LY75: variants seen among roughly 807,000 people sequenced by gnomAD.
The protein encoded by LY75 is C-type lectin domain family 13 member B.
In LY75, 185 loss-of-function variants were observed where a neutral mutation model predicts 231.7. The ratio of observed to expected loss-of-function variants is 0.80; its 90% confidence interval spans 0.71 to 0.90. The LOEUF is 0.90. Ranked by LOEUF, LY75 falls within the 40% of genes least tolerant of loss-of-function variation. The pLI is 0.00. For missense variants in LY75, 1,947 were observed against 2,050.2 expected, an observed-to-expected ratio of 0.95 and a Z score of 0.97; for synonymous variants, 668 against 689.0, an observed-to-expected ratio of 0.97 and a Z score of 0.48.
chr2:159,876,379 T>C (rs961440639), intron 11 of LY75, among the ~76,000 whole-genome samples: 1 of 152,162 alleles, frequency 6.6e-6, no homozygotes, highest in African/African-American at 2.4e-5. Context: ...GAGTTACATA[T>C]ACTGAAAAGT....
At chr2:159,894,655 G>A (rs1685859641) in intron 2 of LY75, among the ~76,000 whole-genome samples, 1 of 152,310 alleles carries the variant, frequency 6.6e-6, no homozygotes, top group African/African-American at 2.4e-5. Context: ...GTAAAAGGAA[G>A]AGCTGCTGAA....
chr2:159,904,459 G>GC (rs990683095), intron 1 of LY75, 130 bp downstream of exon 1: 33 of 1,049,382 alleles, frequency 3.1e-5, no homozygotes, highest in African/African-American at 2.6e-4. Context: ...CGGCTCCAGA[G>GC]CCCCCCCGCC....
chr2:159,887,729 C>G lies in LY75; in HGVS notation c.803-1199G>C, dbSNP rs766904262. On this transcript the variant is annotated intron_variant, in intron 4 of 34. Transcript: ENST00000263636. ...GAAGAGGAACTTGAAACATTAGAAACAGATATACTTCTAAAATTAATGATA... is the reference window on the plus strand; with the variant it reads ...GAAGAGGAACTTGAAACATTAGAAAGAGATATACTTCTAAAATTAATGATA... Among the ~76,000 whole-genome samples, 4 of 152,046 alleles carry G rather than the reference C, an allele frequency of 2.6e-5. No individual in the cohort carries two copies. In the East Asian group the frequency reaches 5.8e-4, roughly 22 times the overall value.
chr2:159,867,602 C>A (rs570735337), intron 13 of LY75, among the ~76,000 whole-genome samples: 6 of 152,314 alleles, frequency 3.9e-5, no homozygotes, highest in Non-Finnish European at 7.3e-5. Context: ...TATTCTCAAT[C>A]AAATTTCCTG....
At chr2:159,893,618 G>A (rs1051546666) in intron 3 of LY75, among the ~76,000 whole-genome samples, 6 of 151,954 alleles carry the variant, frequency 3.9e-5, no homozygotes, top group Admixed American at 3.3e-4. Context: ...ACTACTAAAG[G>A]TCAGCAGCAA....
chr2:159,895,061 AG>A (rs1190542487), intron 2 of LY75, among the ~76,000 whole-genome samples: 1 of 152,222 alleles, frequency 6.6e-6, no homozygotes, highest in Non-Finnish European at 1.5e-5. Context: ...CCAGGCAATT[AG>A]GGTTCCTCCA....
intron 3 of LY75, among the ~76,000 whole-genome samples, chr2:159,893,606 A>G (rs1685822893): frequency 6.6e-6 from 1 of 152,130 alleles, no homozygotes; most frequent in Non-Finnish European, 1.5e-5. Flanking sequence ...TAGTCTTCTG[A>G]AACTACTAAA....
intron 25 of LY75, among the ~76,000 whole-genome samples, chr2:159,839,774 G>A (rs1683945489): frequency 6.6e-6 from 1 of 152,012 alleles, no homozygotes; most frequent in African/African-American, 2.4e-5. Context: ...GGGAGCCTGG[G>A]GCGGGCGGAT....
At chr2:159,873,496 G>A (rs1685079421) in intron 12 of LY75, among the ~76,000 whole-genome samples, 1 of 152,128 alleles carries the variant, frequency 6.6e-6, no homozygotes, top group African/African-American at 2.4e-5. Flanking sequence ...GCTCTAGAAG[G>A]AAGGGCTGGA....
At chr2:159,904,326 G>C (rs1395057729) in intron 1 of LY75, among the ~76,000 whole-genome samples, 2 of 152,202 alleles carry the variant, frequency 1.3e-5, no homozygotes, top group Admixed American at 6.5e-5. Flanking sequence ...CCTACTCTAC[G>C]GTGCACCGCG....
At chr2:159,852,926 A>G (rs1684445484) in intron 20 of LY75, among the ~76,000 whole-genome samples, 1 of 152,188 alleles carries the variant, frequency 6.6e-6, no homozygotes, top group South Asian at 2.1e-4. Context: ...TGAAGGCAGG[A>G]GGTAGGAAGA....
intron 28 of LY75, among the ~76,000 whole-genome samples, chr2:159,828,356 G>A (rs564322681): frequency 1.3e-5 from 2 of 151,280 alleles, no homozygotes; most frequent in African/African-American, 4.9e-5. Context: ...ATCTGAATAG[G>A]GATTTCCCCA....
chr2:159,819,668 A>C lies in LY75; in HGVS notation c.4153+58T>G. The C allele has an allele frequency of 2.6e-6, 4 of 1,529,160 alleles. No homozygotes were observed. The South Asian group carries it at 3.9e-5, about 15-fold the overall frequency. 94.7% of individuals were successfully genotyped at this position (1,529,160 alleles called of 1,614,324 possible). On this transcript the variant is annotated intron_variant, in intron 29 of 34. Coordinates refer to ENST00000263636, the MANE Select transcript of LY75 (RefSeq NM_002349.4). ...TTGTATGATTCCCACTGGTGGAACT[A>C]ATAGCCTTATATTCTTTCCCTGGAG... is the stretch of plus-strand genomic sequence containing the variant.
At chr2:159,806,327 A>G (rs1039658679) in intron 34 of LY75, among the ~76,000 whole-genome samples, 4 of 152,324 alleles carry the variant, frequency 2.6e-5, no homozygotes, top group African/African-American at 7.2e-5. Flanking sequence ...CAGTGTGTGT[A>G]TACATGGATA....
intron 15 of LY75, among the ~76,000 whole-genome samples, chr2:159,859,367 C>A (rs1684631817): frequency 6.6e-6 from 1 of 152,184 alleles, no homozygotes; most frequent in South Asian, 2.1e-4. Context: ...GGTCAGCCAC[C>A]TTGTTGAATC....
At chr2:159,867,832 G>A (rs1430778752) in intron 13 of LY75, among the ~76,000 whole-genome samples, 3 of 152,168 alleles carry the variant, frequency 2.0e-5, no homozygotes, top group African/African-American at 4.8e-5. Flanking sequence ...CTGTTGGGCT[G>A]CCATTAAGAG....
At position 159,897,976 on chromosome 2, in the gene LY75, A is replaced by C. The variant is rs559880111; in HGVS notation, c.466+712T>G. Reference sequence around the variant, plus strand: ...AAAAACTCCACTCTTAAAATGCTGAATCATAAATATAAACATCAAAATTTG... The same window carrying C: ...AAAAACTCCACTCTTAAAATGCTGACTCATAAATATAAACATCAAAATTTG... On this transcript the variant is annotated intron_variant, in intron 2 of 34. Transcript: ENST00000263636. Among the ~76,000 whole-genome samples, 180 of 152,374 alleles carry C rather than the reference A, an allele frequency of 1.2e-3. 1 individual carries two copies. Among genetic ancestry groups the C allele is most frequent in the Non-Finnish European group, 2.1e-3 (146 of 68,034 alleles).
At chr2:159,832,046 G>T (rs16844380) in intron 27 of LY75, among the ~76,000 whole-genome samples, 24,206 of 150,254 alleles carry the variant, frequency 0.16, 2,233 homozygotes, top group East Asian at 0.32. Context: ...TTAAAACATT[G>T]ATTCACTTCA....
intron 6 of LY75, among the ~76,000 whole-genome samples, chr2:159,883,468 T>C (rs1207125208): frequency 6.6e-6 from 1 of 152,172 alleles, no homozygotes; most frequent in Non-Finnish European, 1.5e-5. Context: ...TCACCCATAA[T>C]GGAACTTAAT....
Sources: gnomAD v4.1 joint callset for allele counts (sites outside exome capture counted in the v4.1 genomes callset) on GRCh38, gnomAD v4.1.1 for gene constraint, MANE v1.5 for transcripts, NCBI Gene and HGNC (gene_info 2026-07-23, HGNC 2026-07-21) for gene names.